Variants in DOK6 observed in about 807,000 individuals in gnomAD.
DOK6 encodes downstream of tyrosine kinase 6.
Under a neutral mutation model 44.0 loss-of-function variants are expected in DOK6, and 22 were observed. The observed-to-expected ratio is 0.50, with a 90% CI of 0.36 to 0.71. The LOEUF (loss-of-function observed/expected upper bound fraction) is 0.71. DOK6 is among the 30% of genes least tolerant of loss of function. DOK6 has a pLI of 0.00. For missense variants in DOK6, 340 were observed against 416.4 expected, an observed-to-expected ratio of 0.82 and a Z score of 1.60; for synonymous variants, 166 against 145.5, an observed-to-expected ratio of 1.14 and a Z score of -1.01.
intron 1 of DOK6, among the ~76,000 whole-genome samples, chr18:69,546,053 G>A (rs962188375): frequency 3.0e-4 from 45 of 151,280 alleles, no homozygotes; most frequent in East Asian, 7.7e-4. Flanking sequence ...CAAGGCGGGC[G>A]GATCACTTAA....
intron 1 of DOK6, among the ~76,000 whole-genome samples, chr18:69,430,400 A>G (rs1203184078): frequency 1.3e-5 from 2 of 152,126 alleles, no homozygotes; most frequent in African/African-American, 4.8e-5. Context: ...GCAAGGGACT[A>G]TTCTCTTCAA....
chr18:69,421,388 A>T (rs1030889745), intron 1 of DOK6, among the ~76,000 whole-genome samples: 1 of 152,146 alleles, frequency 6.6e-6, no homozygotes. Flanking sequence ...GCAGACAAAG[A>T]ACTTTGGAAA....
At chr18:69,501,855 G>T (rs1042557811) in intron 1 of DOK6, among the ~76,000 whole-genome samples, 3 of 151,912 alleles carry the variant, frequency 2.0e-5, no homozygotes, top group Non-Finnish European at 4.4e-5. Context: ...CTTCAATCTA[G>T]AGATTAATAA....
intron 7 of DOK6, among the ~76,000 whole-genome samples, chr18:69,763,363 C>T (rs924037947): frequency 6.6e-6 from 1 of 152,154 alleles, no homozygotes; most frequent in Non-Finnish European, 1.5e-5. Context: ...CTCTAACTTC[C>T]TCTGTGCTTA....
intron 1 of DOK6, among the ~76,000 whole-genome samples, chr18:69,553,620 C>T (rs1187463326): frequency 6.6e-6 from 1 of 152,090 alleles, no homozygotes; most frequent in Non-Finnish European, 1.5e-5. Flanking sequence ...TATGTGAAGC[C>T]CCCAGCACGG....
intron 7 of DOK6, among the ~76,000 whole-genome samples, chr18:69,775,065 G>C (rs557303140): frequency 6.6e-6 from 1 of 151,480 alleles, no homozygotes; most frequent in East Asian, 1.9e-4. Context: ...GAAATCCCTC[G>C]TTGGCCAAGA....
At chr18:69,436,596 T>A (rs971453035) in intron 1 of DOK6, among the ~76,000 whole-genome samples, 1 of 152,212 alleles carries the variant, frequency 6.6e-6, no homozygotes, top group African/African-American at 2.4e-5. Context: ...TCTTTGCTAT[T>A]GTGAACAGTG....
At chr18:69,441,465 A>G (rs1979135194) in intron 1 of DOK6, among the ~76,000 whole-genome samples, 1 of 152,148 alleles carries the variant, frequency 6.6e-6, no homozygotes, top group Admixed American at 6.6e-5. Flanking sequence ...TGTACATAAC[A>G]TCTGTTGTTA....
intron 1 of DOK6, chr18:69,483,661 G>T (rs1036837): frequency 0.27 from 41,460 of 151,950 alleles, 6,581 homozygotes; most frequent in African/African-American, 0.4. Context: ...TCTGCTCAGT[G>T]AACTGCAGGT....
At chr18:69,541,859 A>G (rs889879974) in intron 1 of DOK6, among the ~76,000 whole-genome samples, 1 of 151,576 alleles carries the variant, frequency 6.6e-6, no homozygotes, top group African/African-American at 2.4e-5. Flanking sequence ...AGGAAAAAGT[A>G]ATCAATTTGG....
At chr18:69,577,157 T>C (rs1455796582) in intron 2 of DOK6, among the ~76,000 whole-genome samples, 1 of 152,162 alleles carries the variant, frequency 6.6e-6, no homozygotes, top group Non-Finnish European at 1.5e-5. Flanking sequence ...GGCATCCTTG[T>C]GAAAAACAGC....
intron 2 of DOK6, among the ~76,000 whole-genome samples, chr18:69,580,975 A>G (rs1983355739): frequency 6.6e-6 from 1 of 152,170 alleles, no homozygotes; most frequent in Admixed American, 6.5e-5. Context: ...CTCCAAACTC[A>G]TCCATGTTGC....
chr18:69,566,222 C>T (rs1982977950), intron 2 of DOK6, among the ~76,000 whole-genome samples: 1 of 152,128 alleles, frequency 6.6e-6, no homozygotes, highest in Non-Finnish European at 1.5e-5. Context: ...ACTGTAAGCT[C>T]CGCCTTCGGG....
At chr18:69,561,806 G>A (rs1367120373) in intron 1 of DOK6, among the ~76,000 whole-genome samples, 1 of 152,112 alleles carries the variant, frequency 6.6e-6, no homozygotes, top group African/African-American at 2.4e-5. Context: ...TTTATAATGA[G>A]AGGCCTTTAT....
At chr18:69,667,193 T>A (rs183696006) in intron 3 of DOK6, among the ~76,000 whole-genome samples, 1 of 152,328 alleles carries the variant, frequency 6.6e-6, no homozygotes, top group African/African-American at 2.4e-5. Context: ...CTCATGCCCC[T>A]GCACACATCC....
chr18:69,654,502 T>G (rs1985312803), intron 3 of DOK6, among the ~76,000 whole-genome samples: 1 of 152,216 alleles, frequency 6.6e-6, no homozygotes, highest in African/African-American at 2.4e-5. Context: ...GGCTCTTCCC[T>G]TCTTTATAAA....
At chr18:69,602,569 T>C (rs1237194064) in intron 3 of DOK6, among the ~76,000 whole-genome samples, 1 of 152,182 alleles carries the variant, frequency 6.6e-6, no homozygotes, top group Non-Finnish European at 1.5e-5. Context: ...TAAAATGTGG[T>C]GATTAGTTAG....
chr18:69,632,957 A>C (rs1599232346), intron 3 of DOK6, among the ~76,000 whole-genome samples: 1 of 152,168 alleles, frequency 6.6e-6, no homozygotes, highest in African/African-American at 2.4e-5. Context: ...GCCTCCCCTG[A>C]GTCCTCAGTT....
At position 69,706,512 on chromosome 18, in the gene DOK6, CTCT is replaced by C. The variant is rs146050490; in HGVS notation, c.599+7921_599+7923del. ...CACATTTGTCCATACAATCAAGAAA[CTCT>C]TTTTTTTTTTAATTTTATTATTATT... is the stretch of plus-strand genomic sequence containing the variant. On this transcript the variant is annotated intron_variant, in intron 5 of 7. Transcript: ENST00000382713. Among the ~76,000 whole-genome samples the C allele has an allele frequency of 9.0e-3, 1,364 of 151,644 alleles. 20 individuals carry two copies. Among genetic ancestry groups the C allele is most frequent in the African/African-American group, 0.03 (1,238 of 41,202 alleles).
Sources: allele counts gnomAD v4.1 joint callset (sites outside exome capture counted in the v4.1 genomes callset), GRCh38; gene constraint gnomAD v4.1.1; transcripts MANE v1.5; gene names NCBI Gene and HGNC (gene_info 2026-07-23, HGNC 2026-07-21).